Variants in PDGFRL observed in about 807,000 individuals in gnomAD.
PDGFRL encodes platelet-derived growth factor receptor-like protein.
In PDGFRL, 46 loss-of-function variants were observed where a neutral mutation model predicts 37.2. The ratio of observed to expected loss-of-function variants is 1.24; its 90% confidence interval spans 0.98 to 1.58. The LOEUF is 1.58. PDGFRL is among the 40% of genes most tolerant of loss of function. PDGFRL has a pLI of 0.00. For missense variants in PDGFRL, 692 were observed against 467.6 expected (o/e 1.48, Z -4.43); for synonymous variants, 251 against 184.3 (o/e 1.36, Z -2.93).
intron 4 of PDGFRL, among the ~76,000 whole-genome samples, chr8:17,629,593 G>C (rs111257021): frequency 2.6e-5 from 4 of 152,090 alleles, no homozygotes; most frequent in African/African-American, 9.6e-5. Flanking sequence ...TTCCTTTCCT[G>C]TCACTCCCAT....
chr8:17,640,015 C>T (rs1805058164), intron 5 of PDGFRL, among the ~76,000 whole-genome samples: 1 of 152,036 alleles, frequency 6.6e-6, no homozygotes, highest in Admixed American at 6.6e-5. Context: ...TGGGTTAATC[C>T]AAAAATCTGA....
intron 2 of PDGFRL, among the ~76,000 whole-genome samples, chr8:17,619,683 G>A (rs2129758607): frequency 6.6e-6 from 1 of 152,294 alleles, no homozygotes; most frequent in South Asian, 2.1e-4. Flanking sequence ...CTTTATTGAT[G>A]AAAGGGATTT....
intron 4 of PDGFRL, among the ~76,000 whole-genome samples, chr8:17,630,628 C>T (rs900663124): frequency 6.6e-6 from 1 of 152,198 alleles, no homozygotes; most frequent in Non-Finnish European, 1.5e-5. Context: ...CAGTTCCCTC[C>T]GCTCCCCTCC....
At chr8:17,628,280 T>C (rs2427718) in intron 3 of PDGFRL, among the ~76,000 whole-genome samples, 122,941 of 151,646 alleles carry the variant, frequency 0.81, 49,931 homozygotes, top group East Asian at 0.91. Flanking sequence ...AGGTGTGAGC[T>C]ACCGCGCCCA....
Position 17,642,821 on chromosome 8 carries a change from T to C in PDGFRL, c.*20T>C, listed in dbSNP as rs1198278913. On this transcript the variant is annotated 3_prime_UTR_variant, in exon 6 of 6. Coordinates refer to ENST00000251630, the MANE Select transcript of PDGFRL (RefSeq NM_001372073.1). ...TCCTGACTTGGAAAAGGAAATGTAA[T>C]GAACTTATGGAAAGCCCATTTGTGT... The C allele has an allele frequency of 3.3e-6, 5 of 1,533,248 alleles. No homozygotes were observed. The East Asian group carries it at 1.1e-4, about 34-fold the overall frequency. The allele number at this position is 1,533,248 out of a possible 1,614,324, so 95.0% of individuals were successfully genotyped here.
chr8:17,634,724 AACCAAAT>A (rs1276508499), intron 5 of PDGFRL, among the ~76,000 whole-genome samples: 2 of 152,188 alleles, frequency 1.3e-5, no homozygotes, highest in Non-Finnish European at 2.9e-5. Context: ...AGAAACAGAA[AACCAAAT>A]ACCTCATGTT....
intron 5 of PDGFRL, 46 bp downstream of exon 5, chr8:17,634,259 A>T: frequency 6.7e-7 from 1 of 1,499,344 alleles, no homozygotes; most frequent in Non-Finnish European, 9.1e-7. Context: ...CAGCCTCTGC[A>T]TCTCAGCCAG....
At position 17,603,966 on chromosome 8, in the gene PDGFRL, G is replaced by C. The variant is rs940933379; in HGVS notation, c.353+14201G>C. 1.8e-4 allele frequency among the ~76,000 whole-genome samples: 27 copies of C among 152,038 alleles called. 1 individual carries two copies. The highest frequency in any genetic ancestry group is 2.9e-5 in the Non-Finnish European group (2 of 68,002). On this transcript the variant is annotated intron_variant, in intron 2 of 5. Transcript: ENST00000251630. Reference sequence around the variant, plus strand: ...AAGAGTATAAAACTTGGAGCATGAAGGGCAGGTGGGTAAGATGTGGCGGTC... The same window carrying C: ...AAGAGTATAAAACTTGGAGCATGAACGGCAGGTGGGTAAGATGTGGCGGTC...
At chr8:17,618,012 T>C (rs1005683998) in intron 2 of PDGFRL, among the ~76,000 whole-genome samples, 3 of 151,916 alleles carry the variant, frequency 2.0e-5, no homozygotes, top group Non-Finnish European at 2.9e-5. Context: ...TTTTTTAATT[T>C]GCTGAAATCT....
Position 17,634,189 on chromosome 8 carries a change from C to A in PDGFRL, c.915C>A (p.Phe305Leu). 1.2e-6 allele frequency: 2 copies of A among 1,612,990 alleles called. No individual in the cohort carries two copies. The highest frequency in any genetic ancestry group is 1.7e-6 in the Non-Finnish European group (2 of 1,179,130). Residue 305 changes from phenylalanine to leucine, a missense_variant, in exon 5 of 6, where the codon TTC becomes TTA. Phe to Leu is a conservative substitution (Grantham distance 22). Coordinates refer to ENST00000251630, the MANE Select transcript of PDGFRL (RefSeq NM_001372073.1). ...GGGAGCCCGATGTGGAGGTGGAGTT[C>A]ACCTGGATCTTCCCAGGGCAGAAGG... ...VLGEPDVEVE[F>L]TWIFPGQKDE...
chr8:17,629,085 CT>C (rs397892660), intron 4 of PDGFRL, among the ~76,000 whole-genome samples: 16,727 of 122,866 alleles, frequency 0.14, 880 homozygotes, highest in African/African-American at 0.19. Flanking sequence ...GCCCTGCTAA[CT>C]TTTTTTTTTT....
At chr8:17,603,058 C>A (rs1390931659) in intron 2 of PDGFRL, among the ~76,000 whole-genome samples, 1 of 152,218 alleles carries the variant, frequency 6.6e-6, no homozygotes, top group African/African-American at 2.4e-5. Flanking sequence ...TCTCAGCTTA[C>A]TGCAACCTCT....
At chr8:17,584,970 G>C (rs1023981021) in intron 1 of PDGFRL, among the ~76,000 whole-genome samples, 1 of 151,800 alleles carries the variant, frequency 6.6e-6, no homozygotes. Flanking sequence ...GCTAAACAAG[G>C]GGTGGATTAT....
Position 17,609,926 on chromosome 8 carries a change from A to G in PDGFRL, c.354-11125A>G, listed in dbSNP as rs78980119. Among the ~76,000 whole-genome samples, 6 of 152,320 alleles carry G rather than the reference A, an allele frequency of 3.9e-5. No homozygotes were observed. The East Asian group carries it at 9.7e-4, about 25-fold the overall frequency. On this transcript the variant is annotated intron_variant, in intron 2 of 5. Transcript: ENST00000251630. ...TCTGATGTTACTCAGAAGATTTACCATCAAAGTGGCATTGTTATGAGCGAT... is the reference window on the plus strand; with the variant it reads ...TCTGATGTTACTCAGAAGATTTACCGTCAAAGTGGCATTGTTATGAGCGAT...
At chr8:17,603,139 A>G (rs947683186) in intron 2 of PDGFRL, among the ~76,000 whole-genome samples, 3 of 152,020 alleles carry the variant, frequency 2.0e-5, no homozygotes, top group Admixed American at 1.3e-4. Flanking sequence ...TGCGCCACCA[A>G]GCTTGGCTAA....
intron 4 of PDGFRL, among the ~76,000 whole-genome samples, chr8:17,629,535 C>T (rs1804819559): frequency 6.6e-6 from 1 of 152,128 alleles, no homozygotes; most frequent in South Asian, 2.1e-4. Flanking sequence ...ATTCTCTGCC[C>T]TTCTGTTGGG....
At chr8:17,607,720 T>C (rs2427712) in intron 2 of PDGFRL, among the ~76,000 whole-genome samples, 110,881 of 152,010 alleles carry the variant, frequency 0.73, 41,262 homozygotes, top group East Asian at 0.9. Flanking sequence ...AATGCTCAAA[T>C]GTAAACACTG....
intron 2 of PDGFRL, among the ~76,000 whole-genome samples, chr8:17,592,980 TAAAA>T (rs1803975261): frequency 6.6e-6 from 1 of 151,484 alleles, no homozygotes; most frequent in Admixed American, 6.6e-5. Context: ...TGAGAGTAAA[TAAAA>T]ATAGACGTAT....
At position 17,592,549 on chromosome 8, in the gene PDGFRL, A is replaced by G. The variant is rs140850600; in HGVS notation, c.353+2784A>G. ...TCTGCCGTCCTCTGGAGTCACCTCTAATCTCGATCAGACACTCTGCTTTCG... is the reference window on the plus strand; with the variant it reads ...TCTGCCGTCCTCTGGAGTCACCTCTGATCTCGATCAGACACTCTGCTTTCG... On this transcript the variant is annotated intron_variant, in intron 2 of 5. Coordinates refer to ENST00000251630, the MANE Select transcript of PDGFRL (RefSeq NM_001372073.1). Among the ~76,000 whole-genome samples, 210 of 152,270 alleles carry G rather than the reference A, an allele frequency of 1.4e-3. 1 individual carries two copies. The highest frequency in any genetic ancestry group is 2.4e-3 in the Non-Finnish European group (161 of 68,030).
Sources: allele counts gnomAD v4.1 joint callset (sites outside exome capture counted in the v4.1 genomes callset), GRCh38; gene constraint gnomAD v4.1.1; transcripts MANE v1.5; gene names NCBI Gene and HGNC (gene_info 2026-07-23, HGNC 2026-07-21).